Variants in ATL2 observed in about 807,000 individuals in gnomAD.
ATL2 encodes atlastin-2.
Under a neutral mutation model 73.9 loss-of-function variants are expected in ATL2, and 31 were observed. The ratio of observed to expected loss-of-function variants is 0.42; its 90% confidence interval spans 0.32 to 0.57. ATL2 has a LOEUF of 0.57. ATL2 is among the 20% of genes least tolerant of loss of function. ATL2 has a pLI of 0.14. For synonymous variants in ATL2, 291 were observed against 237.5 expected, an observed-to-expected ratio of 1.23 and a Z score of -2.07; for missense variants, 738 against 702.6, an observed-to-expected ratio of 1.05 and a Z score of -0.57.
chr2:38,343,002 G>A (rs1669811658), intron 2 of ATL2, among the ~76,000 whole-genome samples: 1 of 150,446 alleles, frequency 6.6e-6, no homozygotes, highest in African/African-American at 2.4e-5. Context: ...TTTTTTAAGA[G>A]TTGGGCATGG....
intron 2 of ATL2, among the ~76,000 whole-genome samples, chr2:38,323,452 C>T (rs369638441): frequency 6.8e-6 from 1 of 147,876 alleles, no homozygotes; most frequent in Non-Finnish European, 1.5e-5. Context: ...CACCTCAGCA[C>T]CTCAGCCTCT....
chr2:38,338,527 T>C (rs957628436), intron 2 of ATL2, among the ~76,000 whole-genome samples: 6 of 131,228 alleles, frequency 4.6e-5, no homozygotes, highest in Non-Finnish European at 9.2e-5. Context: ...CACACTGATA[T>C]AAAGGATGGA....
chr2:38,315,353 T>A lies in ATL2; in HGVS notation c.604-19A>T. 2.0e-6 allele frequency: 3 copies of A among 1,497,344 alleles called. No homozygotes were observed. The highest frequency in any genetic ancestry group is 2.6e-6 in the Non-Finnish European group (3 of 1,132,772). 92.8% of individuals were successfully genotyped at this position (1,497,344 alleles called of 1,614,324 possible). On this transcript the variant is annotated intron_variant, in intron 4 of 12. Transcript: ENST00000378954. The stretch of plus-strand genomic sequence containing the variant: ...TATATACCTGTTGAAACAAAATTTA[T>A]TTTGTTTTTTATTAGTGTTTTGTTC...
chr2:38,372,543 T>TA (rs1044014445), intron 1 of ATL2, among the ~76,000 whole-genome samples: 1 of 152,162 alleles, frequency 6.6e-6, no homozygotes, highest in Non-Finnish European at 1.5e-5. Context: ...GCCATAACCT[T>TA]AAACTATGAA....
In ATL2 at chr2:38,307,286, C is replaced by T. The variant is rs189703744; in HGVS notation, c.1071+2093G>A. On this transcript the variant is annotated intron_variant, in intron 9 of 12. Coordinates refer to ENST00000378954, the MANE Select transcript of ATL2 (RefSeq NM_001135673.4). ...CAAAACCTTTTAACTTGATAATGTGCTTGCAGGGTATTACTGAAGAAATCT... is the reference window on the plus strand; with the variant it reads ...CAAAACCTTTTAACTTGATAATGTGTTTGCAGGGTATTACTGAAGAAATCT... 6.0e-4 allele frequency among the ~76,000 whole-genome samples: 92 copies of T among 152,116 alleles called. 1 individual carries two copies. The highest frequency in any genetic ancestry group is 2.1e-3 in the African/African-American group (89 of 41,508).
At chr2:38,339,826 G>C (rs1358988912) in intron 2 of ATL2, among the ~76,000 whole-genome samples, 1 of 152,026 alleles carries the variant, frequency 6.6e-6, no homozygotes, top group Non-Finnish European at 1.5e-5. Flanking sequence ...AAGTAACTGG[G>C]ATTACAGGTG....
chr2:38,310,456 G>GGA lies in ATL2; in HGVS notation c.805-11_805-10dup. 1 of 1,579,178 alleles carries GGA rather than the reference G, an allele frequency of 6.3e-7. No individual in the cohort carries two copies. Among genetic ancestry groups the GGA allele is most frequent in the South Asian group, 1.2e-5 (1 of 85,560 alleles). On this transcript the variant is annotated splice_polypyrimidine_tract_variant and intron_variant, in intron 7 of 12. Coordinates refer to ENST00000378954, the MANE Select transcript of ATL2 (RefSeq NM_001135673.4). ...TGTTGATTTTGTTTTACCTGAGGGC[G>GGA]GAGAGAGACAGGTGAAATTGTAAAC... is the stretch of plus-strand genomic sequence containing the variant.
chr2:38,312,243 A>G (rs13423491), intron 7 of ATL2, among the ~76,000 whole-genome samples: 2 of 151,990 alleles, frequency 1.3e-5, no homozygotes, highest in Non-Finnish European at 2.9e-5. Flanking sequence ...CCCAAATCTC[A>G]TCTCAAATTG....
chr2:38,341,011 T>C (rs1459588461), intron 2 of ATL2, among the ~76,000 whole-genome samples: 2 of 152,202 alleles, frequency 1.3e-5, no homozygotes, highest in African/African-American at 2.4e-5. Context: ...GGGGGGCTGC[T>C]ACTCCACTCT....
At chr2:38,374,150 GA>G (rs201297527) in intron 1 of ATL2, among the ~76,000 whole-genome samples, 18,708 of 152,108 alleles carry the variant, frequency 0.12, 3,371 homozygotes, top group African/African-American at 0.4. Flanking sequence ...CTCGGCCTCC[GA>G]AAAGTGCTGG....
At chr2:38,376,841 G>A (rs1368691399) in intron 1 of ATL2, among the ~76,000 whole-genome samples, 1 of 151,088 alleles carries the variant, frequency 6.6e-6, no homozygotes, top group Non-Finnish European at 1.5e-5. Context: ...GGTCGGGGCG[G>A]ACACGGCGGC....
intron 2 of ATL2, among the ~76,000 whole-genome samples, chr2:38,324,975 C>T (rs1272026631): frequency 6.6e-6 from 1 of 152,160 alleles, no homozygotes; most frequent in East Asian, 1.9e-4. Context: ...GGCTACACAA[C>T]AATGTGAACA....
At chr2:38,323,472 G>A (rs1184477993) in intron 2 of ATL2, among the ~76,000 whole-genome samples, 1 of 147,908 alleles carries the variant, frequency 6.8e-6, no homozygotes, top group African/African-American at 2.5e-5. Context: ...TCAAAGTGCT[G>A]GGATTACAAG....
At chr2:38,310,553 G>A (rs1667701738) in intron 7 of ATL2, 106 bp from the exon 8 acceptor site, 1 of 940,744 alleles carries the variant, frequency 1.1e-6, no homozygotes, top group Non-Finnish European at 1.5e-6. Flanking sequence ...TAACTCAGAT[G>A]GTACTCCTAA....
chr2:38,299,591 GGATAAA>G (rs1322730281), intron 10 of ATL2, among the ~76,000 whole-genome samples: 2 of 152,154 alleles, frequency 1.3e-5, no homozygotes, highest in Non-Finnish European at 2.9e-5. Context: ...CTCAGGAAAT[GGATAAA>G]GATAAATAGA....
chr2:38,334,275 T>A (rs1031861028), intron 2 of ATL2, among the ~76,000 whole-genome samples: 1 of 151,200 alleles, frequency 6.6e-6, no homozygotes, highest in Admixed American at 6.6e-5. Flanking sequence ...AGCAGTCGAC[T>A]TGCCTCGGCC....
At chr2:38,306,525 G>C (rs1379831043) in intron 9 of ATL2, among the ~76,000 whole-genome samples, 3 of 152,162 alleles carry the variant, frequency 2.0e-5, no homozygotes, top group African/African-American at 4.8e-5. Flanking sequence ...ACATTAAAAA[G>C]ATCATTCATC....
chr2:38,320,987 C>CAAA (rs34929294), intron 2 of ATL2, among the ~76,000 whole-genome samples: 2 of 94,524 alleles, frequency 2.1e-5, no homozygotes, highest in African/African-American at 7.5e-5. Flanking sequence ...ACCAAAATGA[C>CAAA]AAAAAAAAAA....
chr2:38,352,152 A>C (rs1670391585), intron 1 of ATL2, among the ~76,000 whole-genome samples: 1 of 147,946 alleles, frequency 6.8e-6, no homozygotes, highest in Non-Finnish European at 1.5e-5. Context: ...AAAAAAAAAA[A>C]AAAAAAAACC....
Sources: gnomAD v4.1 joint callset for allele counts (sites outside exome capture counted in the v4.1 genomes callset) on GRCh38, gnomAD v4.1.1 for gene constraint, MANE v1.5 for transcripts, NCBI Gene and HGNC (gene_info 2026-07-23, HGNC 2026-07-21) for gene names.